NR3C2: variants seen among roughly 807,000 people sequenced by gnomAD.
The protein encoded by NR3C2 is mineralocorticoid receptor.
NR3C2 carries 15 observed loss-of-function variants against 86.4 expected under a neutral mutation model. That is an observed-to-expected ratio of 0.17 (90% confidence interval 0.12 to 0.27). NR3C2 has a LOEUF of 0.27. Among genes scored for constraint, NR3C2 ranks in the 10% least tolerant of loss-of-function variants. The pLI is 1.00. For missense variants in NR3C2, 960 were observed against 1,195.6 expected, an observed-to-expected ratio of 0.80 and a Z score of 2.91; for synonymous variants, 458 against 450.5, an observed-to-expected ratio of 1.02 and a Z score of -0.21.
chr4:148,186,968 A>T (rs1735925485), intron 4 of NR3C2, among the ~76,000 whole-genome samples: 1 of 126,848 alleles, frequency 7.9e-6, no homozygotes, highest in Non-Finnish European at 1.6e-5. Flanking sequence ...TCTGCATAGT[A>T]TTCCATCATA....
chr4:148,198,949 G>A lies in NR3C2; in HGVS notation c.1898-4087C>T, dbSNP rs940919735. Among the ~76,000 whole-genome samples, 7 of 151,702 alleles carry A rather than the reference G, an allele frequency of 4.6e-5. No homozygotes were observed. In the East Asian group the frequency reaches 5.8e-4, roughly 13 times the overall value. On this transcript the variant is annotated intron_variant, in intron 3 of 8. Coordinates refer to ENST00000358102, the MANE Select transcript of NR3C2 (RefSeq NM_000901.5). ...TAAAAAATTAGCCGGGCATGGTGGC[G>A]GGTGCCTGTAGTCCCAGCTACTTGG...
intron 2 of NR3C2, among the ~76,000 whole-genome samples, chr4:148,402,865 T>A (rs950690999): frequency 1.6e-4 from 25 of 152,084 alleles, no homozygotes; most frequent in African/African-American, 5.8e-4. Flanking sequence ...ATTATTAAAT[T>A]TAAAATGGCA....
At chr4:148,391,202 A>G (rs1747530586) in intron 2 of NR3C2, among the ~76,000 whole-genome samples, 1 of 152,220 alleles carries the variant, frequency 6.6e-6, no homozygotes, top group African/African-American at 2.4e-5. Context: ...TAGATCCCAA[A>G]GCTTATAAAA....
chr4:148,314,327 G>T (rs139538499), intron 2 of NR3C2, among the ~76,000 whole-genome samples: 1 of 152,114 alleles, frequency 6.6e-6, no homozygotes, highest in African/African-American at 2.4e-5. Flanking sequence ...CTGGTTCTGT[G>T]AAAAACATTA....
intron 2 of NR3C2, among the ~76,000 whole-genome samples, chr4:148,426,370 G>A (rs1749530063): frequency 6.6e-6 from 1 of 152,170 alleles, no homozygotes; most frequent in Non-Finnish European, 1.5e-5. Flanking sequence ...GGAAGAAAAG[G>A]ATAAGGTAAC....
chr4:148,345,855 G>A (rs936007096), intron 2 of NR3C2, among the ~76,000 whole-genome samples: 1 of 152,042 alleles, frequency 6.6e-6, no homozygotes. Context: ...GTTGGACCCA[G>A]TCCCTCCCTT....
intron 2 of NR3C2, among the ~76,000 whole-genome samples, chr4:148,288,385 T>G (rs774737215): frequency 6.6e-6 from 1 of 152,262 alleles, no homozygotes; most frequent in Non-Finnish European, 1.5e-5. Flanking sequence ...TCTGCATGCC[T>G]AAATGCCAGG....
At chr4:148,082,455 G>A (rs145822846) in intron 8 of NR3C2, among the ~76,000 whole-genome samples, 4 of 152,254 alleles carry the variant, frequency 2.6e-5, no homozygotes, top group African/African-American at 7.2e-5. Context: ...CCCGGGAAGT[G>A]CAAGGGGTTG....
rs373089448 is a variant in NR3C2, at chr4:148,297,442, C to A, written c.1758-37325G>T. The stretch of plus-strand genomic sequence containing the variant: ...TCACATTTGAATCAACCATAGAATT[C>A]TTTTAAACTACACCTATATATTTAA... On this transcript the variant is annotated intron_variant, in intron 2 of 8. Transcript: ENST00000358102. Among the ~76,000 whole-genome samples, 8 of 152,152 alleles carry A rather than the reference C, an allele frequency of 5.3e-5. 1 individual carries two copies. Among genetic ancestry groups the A allele is most frequent in the East Asian group, 1.9e-4 (1 of 5,182 alleles).
chr4:148,199,017 C>T (rs994967384), intron 3 of NR3C2, among the ~76,000 whole-genome samples: 2 of 137,912 alleles, frequency 1.5e-5, no homozygotes, highest in Admixed American at 7.9e-5. Context: ...ACCCGGGAGG[C>T]GGAGCTTGCA....
At chr4:148,274,455 T>C (rs1301021660) in intron 2 of NR3C2, among the ~76,000 whole-genome samples, 2 of 152,054 alleles carry the variant, frequency 1.3e-5, no homozygotes, top group South Asian at 2.1e-4. Context: ...GTATGGATCA[T>C]GGGGGTGGTG....
chr4:148,317,770 C>CT (rs35697753), intron 2 of NR3C2, among the ~76,000 whole-genome samples: 8 of 151,302 alleles, frequency 5.3e-5, no homozygotes, highest in East Asian at 1.9e-4. Flanking sequence ...GCAGAAAAAG[C>CT]TTTTTTTTAA....
chr4:148,278,369 G>C (rs1246688395), intron 2 of NR3C2, among the ~76,000 whole-genome samples: 1 of 152,118 alleles, frequency 6.6e-6, no homozygotes, highest in African/African-American at 2.4e-5. Flanking sequence ...CAACATGCTA[G>C]GATTACAGGT....
At chr4:148,230,583 G>C (rs535833032) in intron 3 of NR3C2, among the ~76,000 whole-genome samples, 52 of 152,284 alleles carry the variant, frequency 3.4e-4, no homozygotes, top group Non-Finnish European at 6.6e-4. Flanking sequence ...ATGTGAGCCA[G>C]TAATATTTTG....
At chr4:148,105,788 C>A (rs569623461) in intron 8 of NR3C2, among the ~76,000 whole-genome samples, 2 of 152,302 alleles carry the variant, frequency 1.3e-5, no homozygotes, top group Admixed American at 6.5e-5. Flanking sequence ...ACATGATTAT[C>A]CCAATAGATG....
intron 2 of NR3C2, among the ~76,000 whole-genome samples, chr4:148,411,274 A>C (rs977936110): frequency 1.3e-5 from 2 of 152,196 alleles, no homozygotes; most frequent in Non-Finnish European, 2.9e-5. Context: ...ACTTGGGGAA[A>C]AATTTCGAAT....
chr4:148,387,369 T>G (rs1053704195), intron 2 of NR3C2, among the ~76,000 whole-genome samples: 46 of 152,318 alleles, frequency 3.0e-4, no homozygotes, highest in African/African-American at 1.1e-3. Context: ...TGCCCTGGGC[T>G]GCCTTCCTCT....
chr4:148,082,665 G>GGT (rs763688529), intron 8 of NR3C2, among the ~76,000 whole-genome samples: 1 of 130,932 alleles, frequency 7.6e-6, no homozygotes, highest in Non-Finnish European at 1.6e-5. Flanking sequence ...GCTAGCTGCA[G>GGT]TTTTTTTTTT....
intron 8 of NR3C2, among the ~76,000 whole-genome samples, chr4:148,099,129 A>G (rs1235648587): frequency 2.6e-5 from 4 of 152,198 alleles, no homozygotes. Context: ...ACACAATCTT[A>G]AACAGATTAT....
Sources: allele counts gnomAD v4.1 joint callset (sites outside exome capture counted in the v4.1 genomes callset), GRCh38; gene constraint gnomAD v4.1.1; transcripts MANE v1.5; gene names NCBI Gene and HGNC (gene_info 2026-07-23, HGNC 2026-07-21).